Variants in TTC34 observed in about 807,000 individuals in gnomAD.
TTC34 encodes the protein tetratricopeptide repeat domain 34, also known as tetratricopeptide repeat protein 34.
In TTC34, 44 loss-of-function variants were observed where a neutral mutation model predicts 40.7. That is an observed-to-expected ratio of 1.08 (90% CI 0.85 to 1.39). The LOEUF is 1.39. TTC34 is among the 40% of genes most tolerant of loss of function. The pLI is 0.00. For missense variants in TTC34, 884 were observed against 838.0 expected (o/e 1.05, Z -0.68); for synonymous variants, 422 against 398.6 (o/e 1.06, Z -0.70).
chr1:2,777,698 G>A (rs77836020), intron 6 of TTC34, among the ~76,000 whole-genome samples: 1 of 150,862 alleles, frequency 6.6e-6, no homozygotes, highest in Non-Finnish European at 1.5e-5. Context: ...TGGGGGGGGG[G>A]GCGCAGCATC....
intron 6 of TTC34, among the ~76,000 whole-genome samples, chr1:2,683,420 C>G (rs1294245676): frequency 2.1e-5 from 1 of 48,668 alleles, no homozygotes; most frequent in Admixed American, 1.9e-4. Context: ...TAGCCTGGAA[C>G]ACCACCCTTC....
intron 6 of TTC34, among the ~76,000 whole-genome samples, chr1:2,700,412 C>T (rs76865796): frequency 2.0e-3 from 216 of 108,988 alleles, no homozygotes; most frequent in African/African-American, 5.9e-3. Flanking sequence ...AGCACCCACA[C>T]CCCTAGGCGA....
chr1:2,786,075 G>A (rs984808511), intron 4 of TTC34, 52 bp from the exon 5 acceptor site: 2 of 1,406,024 alleles, frequency 1.4e-6, no homozygotes, highest in Non-Finnish European at 9.3e-7. Context: ...ATGCCCTGGA[G>A]CCCACCCTGT....
chr1:2,687,070 A>C (rs61765672), intron 6 of TTC34, among the ~76,000 whole-genome samples: 2,225 of 30,004 alleles, frequency 0.074, 1 homozygote, highest in Admixed American at 0.13. Context: ...GACAGCCTGG[A>C]GCAGGACCCA....
At chr1:2,752,226 G>T (rs1641343804) in intron 6 of TTC34, among the ~76,000 whole-genome samples, 1 of 118,988 alleles carries the variant, frequency 8.4e-6, no homozygotes, top group African/African-American at 3.8e-5. Context: ...GTGAGCATCT[G>T]ACAGACTGGA....
At position 2,750,835 on chromosome 1, in the gene TTC34, C is replaced by A. The variant is rs1307625922; in HGVS notation, c.2226+32774G>T. 1.6e-5 allele frequency among the ~76,000 whole-genome samples: 2 copies of A among 126,096 alleles called. 1 individual carries two copies. Among genetic ancestry groups the A allele is most frequent in the Admixed American group, 1.6e-4 (2 of 12,440 alleles). 82.7% of individuals were successfully genotyped at this position (126,096 alleles called of 152,430 possible). Reference sequence around the variant, plus strand: ...CAGGCGAGCATCTGACAGCCTGGAGCAGTACCCACACACCCAGGTGAGCAT... The same window carrying A: ...CAGGCGAGCATCTGACAGCCTGGAGAAGTACCCACACACCCAGGTGAGCAT... On this transcript the variant is annotated intron_variant, in intron 6 of 8. Coordinates refer to ENST00000401095, the Ensembl canonical transcript of TTC34.
chr1:2,676,997 C>G (rs1639929035), intron 6 of TTC34, among the ~76,000 whole-genome samples: 1 of 85,030 alleles, frequency 1.2e-5, no homozygotes, highest in Admixed American at 1.1e-4. Flanking sequence ...CAGCCTGGAG[C>G]AGCACCCACC....
At chr1:2,781,130 C>A (rs1643476593) in intron 6 of TTC34, among the ~76,000 whole-genome samples, 2 of 152,080 alleles carry the variant, frequency 1.3e-5, no homozygotes, top group South Asian at 4.1e-4. Flanking sequence ...GGTTCCGAAT[C>A]CACAGCCAAA....
chr1:2,795,716 A>T (rs1415270015), intron 2 of TTC34, among the ~76,000 whole-genome samples: 1 of 152,216 alleles, frequency 6.6e-6, no homozygotes. Flanking sequence ...GAAGAACCTT[A>T]AACAAATTGG....
chr1:2,695,006 T>A (rs546755238), intron 6 of TTC34, among the ~76,000 whole-genome samples: 5 of 151,694 alleles, frequency 3.3e-5, no homozygotes, highest in African/African-American at 1.2e-4. Flanking sequence ...CAGGTGAGGA[T>A]CTGACAGCCT....
chr1:2,654,993 G>T (rs1570760262), intron 6 of TTC34, among the ~76,000 whole-genome samples: 7 of 152,086 alleles, frequency 4.6e-5, no homozygotes, highest in Non-Finnish European at 1.0e-4. Context: ...GCATCTGACA[G>T]CCTGGAACAG....
At chr1:2,750,567 C>T (rs1245523677) in intron 6 of TTC34, among the ~76,000 whole-genome samples, 6 of 147,390 alleles carry the variant, frequency 4.1e-5, no homozygotes, top group Non-Finnish European at 7.6e-5. Flanking sequence ...ACCCACACCC[C>T]CAGGTGAGCA....
chr1:2,691,119 C>G (rs1199492818), intron 6 of TTC34, among the ~76,000 whole-genome samples: 2 of 69,172 alleles, frequency 2.9e-5, no homozygotes, highest in African/African-American at 9.7e-5. Flanking sequence ...GAGCATCTGA[C>G]AGCCTGGAAC....
At position 2,686,612 on chromosome 1, in the gene TTC34, G is replaced by C. The variant is rs567750616; in HGVS notation, c.2227-41049C>G. Among the ~76,000 whole-genome samples, 64 of 150,106 alleles carry C rather than the reference G, an allele frequency of 4.3e-4. No individual in the cohort carries two copies. In the Middle Eastern group the frequency reaches 0.01, roughly 24 times the overall value. On this transcript the variant is annotated intron_variant, in intron 6 of 8. Transcript: ENST00000401095. ...GAACAGCACACACACCCCCAGGCGAGCATCTGACAGCATGTAACAGCACCC... is the reference window on the plus strand; with the variant it reads ...GAACAGCACACACACCCCCAGGCGACCATCTGACAGCATGTAACAGCACCC...
rs1313148950 is a variant in TTC34 at position 2,796,146 on chromosome 1, C to T, written c.784+3898G>A. ...ATCCGAATCCCCAAGCCTGTTGGGG[C>T]CTTGGTTTTGGGCTTCCAGCGTCCA... On this transcript the variant is annotated intron_variant, in intron 2 of 8. Coordinates refer to ENST00000401095, the Ensembl canonical transcript of TTC34. This position sits in a 1 kb window ranked among gnomAD's most constrained non-coding sequence, Gnocchi z 4.5. Among the ~76,000 whole-genome samples the T allele has an allele frequency of 6.6e-6, 1 of 152,148 alleles. No homozygotes were observed.
exon 3 of TTC34, chr1:2,789,889 G>GCGGTCCCCTGCA (rs1203051294): frequency 7.2e-6 from 3 of 414,020 alleles, no homozygotes; most frequent in Non-Finnish European, 1.3e-5. Context: ...GGAGAGGTGC[G>GCGGTCCCCTGCA]CGGTCCCCTG....
rs200851641 is a variant in TTC34 at position 2,687,184 on chromosome 1, C to A, written c.2227-41621G>T. Among the ~76,000 whole-genome samples, 13 of 99,098 alleles carry A rather than the reference C, an allele frequency of 1.3e-4. 1 individual carries two copies. Among genetic ancestry groups the A allele is most frequent in the South Asian group, 6.6e-4 (2 of 3,016 alleles). 65.0% of individuals were successfully genotyped at this position (99,098 alleles called of 152,430 possible). On this transcript the variant is annotated intron_variant, in intron 6 of 8. Coordinates refer to ENST00000401095, the Ensembl canonical transcript of TTC34. ...CCACACACACAGGCGAGCATCTGAA[C>A]CCACGGAGCAGCACCCACACCTCCC... is the stretch of plus-strand genomic sequence containing the variant.
rs975749610 is a variant in TTC34, at chr1:2,796,896, C to A, written c.784+3148G>T. 6.6e-6 allele frequency among the ~76,000 whole-genome samples: 1 copy of A among 152,208 alleles called. No individual in the cohort carries two copies. The highest frequency in any genetic ancestry group is 1.5e-5 in the Non-Finnish European group (1 of 68,034). On this transcript the variant is annotated intron_variant, in intron 2 of 8. Transcript: ENST00000401095. The surrounding 1 kb of genome is among the most constrained non-coding windows in gnomAD (Gnocchi z 4.5). ...TGCCCCACCCTCTCGTTGGGGTCACCAAGAACCTCGGCACCACACGCCCAA... is the reference window on the plus strand; with the variant it reads ...TGCCCCACCCTCTCGTTGGGGTCACAAAGAACCTCGGCACCACACGCCCAA...
chr1:2,684,394 A>G (rs1278261648), intron 6 of TTC34, among the ~76,000 whole-genome samples: 19 of 120,666 alleles, frequency 1.6e-4, no homozygotes, highest in African/African-American at 6.8e-4. Context: ...CAGAATCCAC[A>G]CCCCCAGGTG....
Sources: gnomAD v4.1 joint callset for allele counts (sites outside exome capture counted in the v4.1 genomes callset) on GRCh38, gnomAD v4.1.1 for gene constraint, Gnocchi (gnomAD v3.1) non-coding constraint, MANE v1.5 for transcripts, NCBI Gene and HGNC (gene_info 2026-07-23, HGNC 2026-07-21) for gene names.